Variants in ZFHX4 observed in about 807,000 individuals in gnomAD.
ZFHX4 encodes zinc finger homeobox protein 4.
ZFHX4 carries 56 observed loss-of-function variants against 267.6 expected under a neutral mutation model. That is an observed-to-expected ratio of 0.21 (90% CI 0.17 to 0.26). The LOEUF (loss-of-function observed/expected upper bound fraction) is 0.26. Ranked by LOEUF, ZFHX4 falls within the 10% of genes least tolerant of loss-of-function variation. The probability of loss-of-function intolerance (pLI) is 1.00; values close to 1 mark genes in which losing one functional copy is unlikely to be tolerated. For missense variants in ZFHX4, 4,332 were observed against 4,420.0 expected (o/e 0.98, Z 0.56); for synonymous variants, 1,778 against 1,665.6 (o/e 1.07, Z -1.64).
chr8:76,820,194 A>G (rs532070193), intron 4 of ZFHX4, among the ~76,000 whole-genome samples: 2 of 152,348 alleles, frequency 1.3e-5, no homozygotes, highest in South Asian at 2.1e-4. Flanking sequence ...GAAGTAAACA[A>G]AAATAAATGA....
Position 76,853,002 on chromosome 8 carries a change from C to G in ZFHX4, c.6081C>G (p.Ile2027Met). The change falls in exon 10 of 11, where the codon ATC (isoleucine) becomes ATG (methionine). Residue 2027 changes from isoleucine (I) to methionine (M), a missense_variant. Ile to Met is a conservative substitution (Grantham distance 10). Coordinates refer to ENST00000651372, the MANE Select transcript of ZFHX4 (RefSeq NM_024721.5). ...CTTCTTCTATGGGTCCTGTAAAGAT[C>G]CCCAACACGGTTTCTACTCCTCTGC... ...PQPSSMGPVK[I>M]PNTVSTPLQA... 2 of 1,532,782 alleles carry G rather than the reference C, an allele frequency of 1.3e-6. No homozygotes were observed. The highest frequency in any genetic ancestry group is 1.8e-6 in the Non-Finnish European group (2 of 1,131,728). The allele number at this position is 1,532,782 out of a possible 1,614,324, so 94.9% of individuals were successfully genotyped here.
intron 4 of ZFHX4, among the ~76,000 whole-genome samples, chr8:76,780,740 A>G (rs185352321): frequency 8.7e-4 from 133 of 152,304 alleles, no homozygotes; most frequent in African/African-American, 3.0e-3. Context: ...AAAGGTAGAC[A>G]GTATTTTGGA....
At chr8:76,811,738 T>A (rs80046259) in intron 4 of ZFHX4, among the ~76,000 whole-genome samples, 1 of 152,126 alleles carries the variant, frequency 6.6e-6, no homozygotes, top group Non-Finnish European at 1.5e-5. Context: ...ATGCATTAGG[T>A]TATTAGGTTA....
chr8:76,863,182 A>T lies in ZFHX4; in HGVS notation c.9468A>T (p.Lys3156Asn). Residue 3156 changes from lysine to asparagine, a missense_variant, in exon 11 of 11, where the codon AAA becomes AAT. Transcript: ENST00000651372. ...PALSLSSAPT[K>N]PLLQTPPPPP... ...TGTCTCTCAGCAGTGCCCCCACCAA[A>T]CCTTTGCTGCAGACTCCACCACCTC... 6.4e-7 allele frequency: 1 copy of T among 1,558,248 alleles called. No homozygotes were observed. The highest frequency in any genetic ancestry group is 8.7e-7 in the Non-Finnish European group (1 of 1,150,682).
chr8:76,699,797 A>T lies in ZFHX4; in HGVS notation c.-46-4246A>T, dbSNP rs1376421473. Among the ~76,000 whole-genome samples, 46 of 150,190 alleles carry T rather than the reference A, an allele frequency of 3.1e-4. 1 individual carries two copies. The highest frequency in any genetic ancestry group is 3.0e-3 in the Admixed American group (45 of 15,102). ...ATTCTTTTTTTTTTCTTTCTTCTGA[A>T]TTTAACAATAAGGAATTTAAGCCTC... On this transcript the variant is annotated intron_variant, in intron 1 of 10. Coordinates refer to ENST00000651372, the MANE Select transcript of ZFHX4 (RefSeq NM_024721.5).
chr8:76,795,050 C>T (rs1343088350), intron 4 of ZFHX4, among the ~76,000 whole-genome samples: 1 of 152,072 alleles, frequency 6.6e-6, no homozygotes, highest in Non-Finnish European at 1.5e-5. Flanking sequence ...TTCATATAAG[C>T]AGCCTTTTCA....
At position 76,705,802 on chromosome 8, in the gene ZFHX4, G is replaced by A; in HGVS notation, c.1714G>A (p.Ala572Thr). ...TGCCAGTAAAGACAGTGCCACAGCTGCTCATCCAAGTGAAATAGCCCGGGG... is the reference window on the plus strand; with the variant it reads ...TGCCAGTAAAGACAGTGCCACAGCTACTCATCCAAGTGAAATAGCCCGGGG... The part of the protein sequence containing the change: ...ASASKDSATA[A>T]HPSEIARGDE... The change falls in exon 2 of 11, where the codon GCT becomes ACT. Residue 572 changes from alanine (A) to threonine (T), a missense_variant. Ala to Thr is a moderately conservative substitution (Grantham distance 58, BLOSUM62 0). Coordinates refer to ENST00000651372, the MANE Select transcript of ZFHX4 (RefSeq NM_024721.5). 1 of 1,613,958 alleles carries A rather than the reference G, an allele frequency of 6.2e-7. No homozygotes were observed. Among genetic ancestry groups the A allele is most frequent in the South Asian group, 1.1e-5 (1 of 91,084 alleles).
rs1192043342 is a variant in ZFHX4, at chr8:76,865,714, A to T, written c.*1149A>T. 1.3e-5 allele frequency: 2 copies of T among 152,596 alleles called. No homozygotes were observed. Among genetic ancestry groups the T allele is most frequent in the Non-Finnish European group, 2.9e-5 (2 of 68,026 alleles). The allele number at this position is 152,596 out of a possible 1,614,324, so 9.5% of individuals were successfully genotyped here. ...AAAGAAGCTGCTTTAAAAAATAAAA[A>T]GGGGACTAAAAATTTGTTTTGTATA... On this transcript the variant is annotated 3_prime_UTR_variant, in exon 11 of 11. Transcript: ENST00000651372.
intron 4 of ZFHX4, among the ~76,000 whole-genome samples, chr8:76,824,368 A>T (rs537246223): frequency 6.6e-6 from 1 of 152,306 alleles, no homozygotes; most frequent in East Asian, 1.9e-4. Flanking sequence ...AGTTTTGCAG[A>T]CTGCCACATT....
intron 4 of ZFHX4, among the ~76,000 whole-genome samples, chr8:76,819,151 T>G (rs1270595570): frequency 2.6e-5 from 4 of 151,870 alleles, no homozygotes; most frequent in East Asian, 3.9e-4. Context: ...GGTTTTTTTT[T>G]TTTTTTTTTT....
chr8:76,850,975 A>G lies in ZFHX4; in HGVS notation c.4054A>G (p.Lys1352Glu), dbSNP rs1812500659. Reference protein sequence around the residue: ...EVKNEEQKPTKEPLEVSEWNK... With the variant: ...EVKNEEQKPTEEPLEVSEWNK... Reference sequence around the variant, plus strand: ...AAAGAATGAGGAGCAGAAACCGACTAAAGAACCCTTGGAAGTCTCAGAATG... The same window carrying G: ...AAAGAATGAGGAGCAGAAACCGACTGAAGAACCCTTGGAAGTCTCAGAATG... The change falls in exon 10 of 11, where the codon AAA (lysine) becomes GAA (glutamate). Residue 1352 changes from lysine to glutamate, a missense_variant. Around this residue, in one of 7 missense-constraint regions of ZFHX4, gnomAD observed 1,371 missense variants for 1,423.1 expected, o/e 0.96. Coordinates refer to ENST00000651372, the MANE Select transcript of ZFHX4 (RefSeq NM_024721.5). 3 of 1,613,862 alleles carry G rather than the reference A, an allele frequency of 1.9e-6. No homozygotes were observed. Among genetic ancestry groups the G allele is most frequent in the Non-Finnish European group, 2.5e-6 (3 of 1,179,822 alleles).
chr8:76,738,590 T>C (rs900237553), intron 3 of ZFHX4, among the ~76,000 whole-genome samples: 1 of 151,004 alleles, frequency 6.6e-6, no homozygotes, highest in African/African-American at 2.4e-5. Context: ...TGTTTCTACT[T>C]TCTTTCTTTT....
At chr8:76,685,099 A>T (rs1457880022) in intron 1 of ZFHX4, among the ~76,000 whole-genome samples, 1 of 152,184 alleles carries the variant, frequency 6.6e-6, no homozygotes, top group Non-Finnish European at 1.5e-5. Flanking sequence ...CTTAAAGATA[A>T]TACATTTAAG....
At chr8:76,740,940 T>C (rs573296716) in intron 3 of ZFHX4, among the ~76,000 whole-genome samples, 1 of 152,156 alleles carries the variant, frequency 6.6e-6, no homozygotes, top group African/African-American at 2.4e-5. Flanking sequence ...GATATAGTTT[T>C]GAAAAATCAC....
chr8:76,711,782 C>G (rs1371162252), intron 3 of ZFHX4, among the ~76,000 whole-genome samples: 1 of 151,838 alleles, frequency 6.6e-6, no homozygotes, highest in Admixed American at 6.6e-5. Context: ...AACCACAGAG[C>G]ACTACACGTT....
intron 3 of ZFHX4, among the ~76,000 whole-genome samples, chr8:76,722,011 G>A (rs921183527): frequency 1.2e-4 from 18 of 151,428 alleles, no homozygotes; most frequent in African/African-American, 3.4e-4. Flanking sequence ...TGTAATATTC[G>A]ATGTTGAAAG....
chr8:76,840,415 C>G (rs1326161442), intron 5 of ZFHX4, among the ~76,000 whole-genome samples: 1 of 152,154 alleles, frequency 6.6e-6, no homozygotes, highest in Non-Finnish European at 1.5e-5. Context: ...AGGCTGAGGT[C>G]AGACACCACA....
chr8:76,708,754 A>G (rs1176274941), intron 3 of ZFHX4, among the ~76,000 whole-genome samples: 1 of 152,220 alleles, frequency 6.6e-6, no homozygotes, highest in African/African-American at 2.4e-5. Flanking sequence ...GATGAACACC[A>G]TTTATTACAG....
chr8:76,708,114 G>A (rs753555380), intron 3 of ZFHX4, 66 bp downstream of exon 3: 8 of 1,593,536 alleles, frequency 5.0e-6, no homozygotes, highest in Middle Eastern at 3.3e-4. Flanking sequence ...TCAGAGCTTG[G>A]AGCACAAGTC....
Sources: gnomAD v4.1 joint callset for allele counts (sites outside exome capture counted in the v4.1 genomes callset) on GRCh38, gnomAD v4.1.1 for gene constraint, gnomAD v4.1.1 regional missense constraint, MANE v1.5 for transcripts, NCBI Gene and HGNC (gene_info 2026-07-23, HGNC 2026-07-21) for gene names.